Variants in DPP10 observed in about 807,000 individuals in gnomAD.
DPP10 encodes the protein inactive dipeptidyl peptidase 10.
A neutral mutation model predicts 120.9 loss-of-function variants in DPP10; 33 were observed. That is an observed-to-expected ratio of 0.27 (90% CI 0.21 to 0.37). The LOEUF (loss-of-function observed/expected upper bound fraction) is 0.37, where lower values mean the gene tolerates loss of function less well. Ranked by LOEUF, DPP10 falls within the 10% of genes least tolerant of loss-of-function variation. The pLI, the probability that DPP10 is intolerant of heterozygous loss-of-function variation, is 1.00. For synonymous variants in DPP10, 337 were observed against 326.1 expected (o/e 1.03, Z -0.36); for missense variants, 816 against 942.8 (o/e 0.87, Z 1.76).
chr2:114,817,044 C>T (rs547114940), intron 1 of DPP10, among the ~76,000 whole-genome samples: 2 of 152,264 alleles, frequency 1.3e-5, no homozygotes, highest in East Asian at 3.9e-4. Context: ...ATAACCGGCC[C>T]ATTAGCAGGC....
intron 3 of DPP10, among the ~76,000 whole-genome samples, chr2:115,480,382 G>C (rs1266451266): frequency 6.6e-6 from 1 of 151,858 alleles, no homozygotes; most frequent in African/African-American, 2.4e-5. Flanking sequence ...TTTTCTTACT[G>C]ACTAGGTTAT....
At chr2:115,611,279 G>C (rs2084080859) in intron 5 of DPP10, among the ~76,000 whole-genome samples, 1 of 152,070 alleles carries the variant, frequency 6.6e-6, no homozygotes, top group Non-Finnish European at 1.5e-5. Flanking sequence ...ACATAATTTG[G>C]AAACATATTT....
intron 1 of DPP10, among the ~76,000 whole-genome samples, chr2:114,561,577 A>G (rs1343826761): frequency 2.0e-5 from 3 of 152,036 alleles, no homozygotes; most frequent in Non-Finnish European, 4.4e-5. Context: ...TCACTATTAG[A>G]AAGAGCTTTG....
At chr2:115,276,710 A>G (rs948465048) in intron 1 of DPP10, among the ~76,000 whole-genome samples, 2 of 152,236 alleles carry the variant, frequency 1.3e-5, no homozygotes, top group Non-Finnish European at 2.9e-5. Context: ...TATTGGTGGC[A>G]CTGTAAAGGC....
intron 1 of DPP10, among the ~76,000 whole-genome samples, chr2:115,060,713 A>G (rs1177487280): frequency 6.6e-6 from 1 of 152,192 alleles, no homozygotes; most frequent in Non-Finnish European, 1.5e-5. Context: ...ATCTTTTATT[A>G]TTCTGACAGG....
intron 3 of DPP10, among the ~76,000 whole-genome samples, chr2:115,416,148 C>A (rs557830858): frequency 6.6e-6 from 1 of 152,130 alleles, no homozygotes; most frequent in East Asian, 1.9e-4. Context: ...AGATGCACTG[C>A]AGAATATGTT....
At chr2:115,439,659 A>G (rs1054846019) in intron 3 of DPP10, among the ~76,000 whole-genome samples, 4 of 152,186 alleles carry the variant, frequency 2.6e-5, no homozygotes. Context: ...AGCTTCCCCA[A>G]ATTGTGATCT....
chr2:115,621,985 C>A (rs777668566), intron 5 of DPP10, among the ~76,000 whole-genome samples: 7 of 152,142 alleles, frequency 4.6e-5, no homozygotes, highest in South Asian at 4.1e-4. Context: ...GCCACAAATT[C>A]TGTGTTTTTA....
At chr2:114,929,428 C>A (rs1169649376) in intron 1 of DPP10, among the ~76,000 whole-genome samples, 2 of 152,226 alleles carry the variant, frequency 1.3e-5, no homozygotes, top group Non-Finnish European at 2.9e-5. Flanking sequence ...TTGTCTTCAA[C>A]CGCATAAGAC....
rs78402984 is a variant in DPP10 at position 114,597,492 on chromosome 2, C to T, written c.60+154654C>T. ...ATACTTTGTGTTTTACTGGCAATGA[C>T]ATATTCAGTAGATCTCTTTTTATCT... On this transcript the variant is annotated intron_variant, in intron 1 of 25. Coordinates refer to ENST00000410059, the MANE Select transcript of DPP10 (RefSeq NM_020868.6). Among the ~76,000 whole-genome samples, 478 of 152,042 alleles carry T rather than the reference C, an allele frequency of 3.1e-3. 4 individuals are homozygous for T. The highest frequency in any genetic ancestry group is 0.011 in the African/African-American group (448 of 41,502).
chr2:115,749,840 C>T, intron 10 of DPP10: 1 of 229,618 alleles, frequency 4.4e-6, no homozygotes, highest in Non-Finnish European at 7.2e-6. Context: ...CACGGTGTAA[C>T]TGCTAACATA....
intron 1 of DPP10, among the ~76,000 whole-genome samples, chr2:115,100,839 C>T (rs901181164): frequency 1.3e-5 from 2 of 152,170 alleles, no homozygotes; most frequent in African/African-American, 2.4e-5. Context: ...AATGTTTATC[C>T]TTCCAGGCCC....
chr2:115,502,588 A>C (rs375131595), intron 4 of DPP10, among the ~76,000 whole-genome samples: 4 of 152,212 alleles, frequency 2.6e-5, no homozygotes, highest in Admixed American at 2.0e-4. Flanking sequence ...AAATACCGGC[A>C]GCTATAAATT....
intron 1 of DPP10, among the ~76,000 whole-genome samples, chr2:115,042,202 C>T (rs374089270): frequency 6.6e-6 from 1 of 152,128 alleles, no homozygotes; most frequent in African/African-American, 2.4e-5. Context: ...TTATGCAATA[C>T]AAGTAAAATG....
intron 1 of DPP10, among the ~76,000 whole-genome samples, chr2:114,959,815 A>G (rs933751946): frequency 5.3e-5 from 8 of 152,202 alleles, no homozygotes; most frequent in Non-Finnish European, 7.4e-5. Context: ...TTTTCTAATT[A>G]CTAGTAATGT....
At chr2:114,581,173 C>CTTTTTTTTTTTTT (rs70937291) in intron 1 of DPP10, among the ~76,000 whole-genome samples, 15 of 77,894 alleles carry the variant, frequency 1.9e-4, no homozygotes, top group African/African-American at 2.6e-4. Flanking sequence ...TTTTTCTTCT[C>CTTTTTTTTTTTTT]TTTTTTTTTT....
chr2:115,148,728 C>G (rs2051367303), intron 1 of DPP10, among the ~76,000 whole-genome samples: 1 of 152,108 alleles, frequency 6.6e-6, no homozygotes, highest in Non-Finnish European at 1.5e-5. Flanking sequence ...ACAGATACAG[C>G]AAACCACACA....
intron 1 of DPP10, among the ~76,000 whole-genome samples, chr2:114,484,934 T>A (rs1374252434): frequency 6.6e-6 from 1 of 151,174 alleles, no homozygotes; most frequent in African/African-American, 2.4e-5. Context: ...GGGCTGCTTC[T>A]AAGATTTTTT....
At chr2:115,828,714 C>T (rs750444792) in intron 21 of DPP10, among the ~76,000 whole-genome samples, 15 of 152,040 alleles carry the variant, frequency 9.9e-5, no homozygotes, top group Admixed American at 3.3e-4. Flanking sequence ...GTCCTAAAAA[C>T]TTCTATTTTA....
Sources: allele counts gnomAD v4.1 joint callset (sites outside exome capture counted in the v4.1 genomes callset), GRCh38; gene constraint gnomAD v4.1.1; transcripts MANE v1.5; gene names NCBI Gene and HGNC (gene_info 2026-07-23, HGNC 2026-07-21).